The following AIF1L variants were observed in gnomAD, a reference collection of about 807,000 sequenced individuals.
AIF1L encodes allograft inflammatory factor 1 like.
Under a neutral mutation model 20.7 loss-of-function variants are expected in AIF1L, and 12 were observed. The observed-to-expected ratio is 0.58, with a 90% CI of 0.37 to 0.94. AIF1L has a LOEUF of 0.94. Among genes scored for constraint, AIF1L ranks in the 40% least tolerant of loss-of-function variants. AIF1L has a pLI of 0.01. For missense variants in AIF1L, 173 were observed against 185.3 expected (o/e 0.93, Z 0.39); for synonymous variants, 76 against 65.1 (o/e 1.17, Z -0.81).
intron 2 of AIF1L, 142 bp downstream of exon 2, chr9:131,097,005 CG>C: frequency 1.1e-6 from 1 of 951,194 alleles, no homozygotes; most frequent in Non-Finnish European, 1.4e-6. Context: ...TGCCTCCCTC[CG>C]CCCCCAGCCC....
intron 2 of AIF1L, chr9:131,106,409 T>C: frequency 1.4e-6 from 1 of 693,918 alleles, no homozygotes; most frequent in Non-Finnish European, 2.5e-6. Context: ...AAATCATGTT[T>C]GGAGGTGACC....
chr9:131,109,858 C>A (rs7023362), intron 2 of AIF1L, among the ~76,000 whole-genome samples: 1 of 152,080 alleles, frequency 6.6e-6, no homozygotes, highest in South Asian at 2.1e-4. Context: ...GAGATGGAGC[C>A]GAGTTGAAGC....
At chr9:131,104,750 T>C (rs1377175640) in intron 2 of AIF1L, among the ~76,000 whole-genome samples, 1 of 152,166 alleles carries the variant, frequency 6.6e-6, no homozygotes, top group Non-Finnish European at 1.5e-5. Flanking sequence ...TAGTATTTGC[T>C]GGCCGGGTGC....
rs554191036 is a variant in AIF1L, at chr9:131,106,861, C to T, written c.94-4736C>T. Among the ~76,000 whole-genome samples the T allele has an allele frequency of 7.9e-4, 121 of 152,232 alleles. 1 individual carries two copies. The highest frequency in any genetic ancestry group is 3.4e-3 in the Middle Eastern group (1 of 294). On this transcript the variant is annotated intron_variant, in intron 2 of 5. Transcript: ENST00000247291. The stretch of plus-strand genomic sequence containing the variant: ...CTGTGATGCCAGGAATTTGGGAGGC[C>T]GAGGCAGTCGGATCACCTGAGGTCA...
rs746813864 is a variant in AIF1L, at chr9:131,121,396, G to T, written c.*1074G>T. ...ACACGGTCTAACTCATCTCTCCCCA[G>T]ATCTCTCAGAACCTTGAGCTTGGGA... On this transcript the variant is annotated 3_prime_UTR_variant, in exon 6 of 6. Coordinates refer to ENST00000247291, the MANE Select transcript of AIF1L (RefSeq NM_031426.4). 3.6e-5 allele frequency: 13 copies of T among 364,898 alleles called. No individual in the cohort carries two copies. The highest frequency in any genetic ancestry group is 5.4e-5 in the Non-Finnish European group (11 of 202,306). The allele number at this position is 364,898 out of a possible 1,614,324, so 22.6% of individuals were successfully genotyped here. A position where few individuals can be genotyped will look rare whatever the true frequency, so the allele number is the denominator to read the frequency against.
Position 131,120,515 on chromosome 9 carries a change from T to C in AIF1L, c.*193T>C. 1 of 531,888 alleles carries C rather than the reference T, an allele frequency of 1.9e-6. No homozygotes were observed. The highest frequency in any genetic ancestry group is 3.3e-6 in the Non-Finnish European group (1 of 301,270). 32.9% of individuals were successfully genotyped at this position (531,888 alleles called of 1,614,324 possible). ...GCTCTGGGTCGGGGAATCCTGAGCC[T>C]TGGGTCCCCTCCCTCTCTTCTTCCC... On this transcript the variant is annotated 3_prime_UTR_variant, in exon 6 of 6. Transcript: ENST00000247291.
chr9:131,103,550 A>G (rs1005957756), intron 2 of AIF1L, among the ~76,000 whole-genome samples: 14 of 152,220 alleles, frequency 9.2e-5, no homozygotes, highest in Non-Finnish European at 1.6e-4. Context: ...GCACTAAGGC[A>G]GGAGGATAGC....
intron 3 of AIF1L, chr9:131,114,254 A>G (rs1830957948): frequency 3.2e-6 from 1 of 316,344 alleles, no homozygotes. Context: ...AGAGCTAGTC[A>G]CTTTGCTACT....
chr9:131,106,125 C>T, intron 2 of AIF1L: 2 of 1,513,462 alleles, frequency 1.3e-6, no homozygotes, highest in Non-Finnish European at 8.9e-7. Context: ...CACTTCGACG[C>T]TAAACCTGTG....
chr9:131,096,873 G>C lies in AIF1L; in HGVS notation c.93+10G>C. 4 of 1,529,548 alleles carry C rather than the reference G, an allele frequency of 2.6e-6. No homozygotes were observed. Among genetic ancestry groups the C allele is most frequent in the Non-Finnish European group, 3.5e-6 (4 of 1,140,146 alleles). The allele number at this position is 1,529,548 out of a possible 1,614,324, so 94.7% of individuals were successfully genotyped here. ...GGCCGAGATCAACCGGGTAAGCCCC[G>C]CGCCCAGGGCAGCACGCGAGTCCCG... On this transcript the variant is annotated intron_variant, in intron 2 of 5. Coordinates refer to ENST00000247291, the MANE Select transcript of AIF1L (RefSeq NM_031426.4).
chr9:131,096,890 CG>C (rs1339894147), intron 2 of AIF1L, 27 bp downstream of exon 2: 1 of 1,515,940 alleles, frequency 6.6e-7, no homozygotes. Flanking sequence ...GGGCAGCACG[CG>C]AGTCCCGAGC....
In AIF1L at chr9:131,099,846, C is replaced by T. The variant is rs572570537; in HGVS notation, c.93+2983C>T. On this transcript the variant is annotated intron_variant, in intron 2 of 5. Coordinates refer to ENST00000247291, the MANE Select transcript of AIF1L (RefSeq NM_031426.4). ...GGTTCAAGCGATTCTCCTGCCTCAG[C>T]CTCCCGAGTAACTGGGACTACAGGC... Among the ~76,000 whole-genome samples the T allele has an allele frequency of 2.5e-4, 38 of 151,976 alleles. No individual in the cohort carries two copies. In the East Asian group the frequency reaches 7.3e-3, roughly 29 times the overall value.
At chr9:131,104,556 C>T (rs1418199454) in intron 2 of AIF1L, among the ~76,000 whole-genome samples, 1 of 152,150 alleles carries the variant, frequency 6.6e-6, no homozygotes, top group African/African-American at 2.4e-5. Context: ...CTCTGGGCCT[C>T]AGTTGTCCCA....
chr9:131,117,923 G>A lies in AIF1L; in HGVS notation c.365+5G>A, dbSNP rs768372779. The A allele has an allele frequency of 3.7e-6, 6 of 1,605,802 alleles. No homozygotes were observed. In the Admixed American group the frequency reaches 1.0e-4, roughly 27 times the overall value. On this transcript the variant is annotated splice_donor_5th_base_variant and intron_variant, in intron 5 of 5. Coordinates refer to ENST00000247291, the MANE Select transcript of AIF1L (RefSeq NM_031426.4). ...ACGGTCGGCTGTCCTCAAGTTGTGA[G>A]TACCTCCTTCCTCCCTTGGGATCTC...
Position 131,117,763 on chromosome 9 carries a change from G to A in AIF1L, c.210G>A (p.Met70Ile). Residue 70 changes from methionine to isoleucine, a missense_variant, in exon 5 of 6, where the codon ATG (methionine) becomes ATA (isoleucine). Coordinates refer to ENST00000247291, the MANE Select transcript of AIF1L (RefSeq NM_031426.4). Reference sequence around the variant, plus strand: ...CTGCTTTTCCCCCGGCAGACCTGATGTCTTTAAAGAGGATGATGGAGAAGC... The same window carrying A: ...CTGCTTTTCCCCCGGCAGACCTGATATCTTTAAAGAGGATGATGGAGAAGC... ...DLNNEGEIDL[M>I]SLKRMMEKLG... is the part of the protein sequence containing the mutation. The A allele has an allele frequency of 1.2e-6, 2 of 1,610,510 alleles. No individual in the cohort carries two copies. Among genetic ancestry groups the A allele is most frequent in the Non-Finnish European group, 1.7e-6 (2 of 1,178,626 alleles).
In AIF1L at chr9:131,120,426, A is replaced by C. The variant is rs144973376; in HGVS notation, c.*104A>C. On this transcript the variant is annotated 3_prime_UTR_variant, in exon 6 of 6. Transcript: ENST00000247291. Reference sequence around the variant, plus strand: ...CTCTCTCTCTCTCATTTGTTTGGTCATTGAGGGTTTGTTTGTGTTTTCATC... The same window carrying C: ...CTCTCTCTCTCTCATTTGTTTGGTCCTTGAGGGTTTGTTTGTGTTTTCATC... The C allele has an allele frequency of 4.5e-5, 44 of 980,558 alleles. No individual in the cohort carries two copies. The East Asian group carries it at 1.0e-3, about 23-fold the overall frequency. The allele number at this position is 980,558 out of a possible 1,614,324, so 60.7% of individuals were successfully genotyped here. A position where few individuals can be genotyped will look rare whatever the true frequency, so the allele number is the denominator to read the frequency against.
chr9:131,101,148 G>A (rs1164976750), intron 2 of AIF1L, among the ~76,000 whole-genome samples: 1 of 151,806 alleles, frequency 6.6e-6, no homozygotes, highest in Non-Finnish European at 1.5e-5. Context: ...CGCCCCCCTC[G>A]GCCTCCCAAA....
At chr9:131,117,641 A>G in intron 4 of AIF1L, 115 bp from the exon 5 acceptor site, 3 of 1,089,214 alleles carry the variant, frequency 2.8e-6, no homozygotes, top group Non-Finnish European at 3.9e-6. Context: ...TCCCTAGAGA[A>G]GGAGTGCAGA....
At chr9:131,119,245 A>G (rs1307637403) in intron 5 of AIF1L, among the ~76,000 whole-genome samples, 1 of 152,210 alleles carries the variant, frequency 6.6e-6, no homozygotes, top group Non-Finnish European at 1.5e-5. Flanking sequence ...TCACGCCTTT[A>G]ATCCCAGCGC....
Sources: gnomAD v4.1 joint callset for allele counts (sites outside exome capture counted in the v4.1 genomes callset) on GRCh38, gnomAD v4.1.1 for gene constraint, MANE v1.5 for transcripts, NCBI Gene and HGNC (gene_info 2026-07-23, HGNC 2026-07-21) for gene names.